The following RBFOX1 variants were observed in gnomAD, a reference collection of about 807,000 sequenced individuals.
RBFOX1 encodes RNA binding fox-1 homolog 1, also known as RNA binding protein fox-1 homolog 1.
A neutral mutation model predicts 57.7 loss-of-function variants in RBFOX1; 8 were observed. The ratio of observed to expected loss-of-function variants is 0.14; its 90% CI spans 0.08 to 0.25. The LOEUF is 0.25. Among genes scored for constraint, RBFOX1 ranks in the 10% least tolerant of loss-of-function variants. RBFOX1 has a pLI of 1.00. For missense variants in RBFOX1, 611 were observed against 548.5 expected (o/e 1.11, Z -1.14); for synonymous variants, 326 against 222.4 (o/e 1.47, Z -4.15).
intron 4 of RBFOX1, among the ~76,000 whole-genome samples, chr16:7,156,606 CATAT>C (rs1170823854): frequency 6.6e-6 from 1 of 151,860 alleles, no homozygotes; most frequent in South Asian, 2.1e-4. Flanking sequence ...TATATGTGTA[CATAT>C]ATATGTATAT....
intron 4 of RBFOX1, among the ~76,000 whole-genome samples, chr16:5,938,262 A>G (rs1053506885): frequency 2.0e-5 from 3 of 151,962 alleles, no homozygotes; most frequent in African/African-American, 7.3e-5. Context: ...GAAACAAATT[A>G]AACTACTAAC....
intron 4 of RBFOX1, among the ~76,000 whole-genome samples, chr16:7,163,795 T>TG (rs2078883565): frequency 1.3e-5 from 2 of 152,164 alleles, no homozygotes; most frequent in Non-Finnish European, 2.9e-5. Flanking sequence ...TAGCTGGGAC[T>TG]GTAGGCGCAT....
chr16:5,822,267 C>CT, intron 3 of RBFOX1, among the ~76,000 whole-genome samples: 1 of 152,224 alleles, frequency 6.6e-6, no homozygotes, highest in South Asian at 2.1e-4. Context: ...ATACAATAGA[C>CT]TTTGGGGACT....
At chr16:6,770,952 C>G (rs1012676625) in intron 3 of RBFOX1, among the ~76,000 whole-genome samples, 3 of 152,130 alleles carry the variant, frequency 2.0e-5, no homozygotes, top group Admixed American at 6.5e-5. Flanking sequence ...TGTGTCTCCA[C>G]TACCCCCGAT....
intron 1 of RBFOX1, among the ~76,000 whole-genome samples, chr16:6,114,126 A>G (rs369679322): frequency 6.6e-6 from 1 of 152,286 alleles, no homozygotes; most frequent in East Asian, 1.9e-4. Context: ...CATATTCACA[A>G]AGAAAAAAGT....
intron 3 of RBFOX1, among the ~76,000 whole-genome samples, chr16:6,656,077 A>G (rs1313419784): frequency 1.3e-5 from 2 of 152,078 alleles, no homozygotes; most frequent in African/African-American, 4.8e-5. Flanking sequence ...TGCATTCACC[A>G]TGTGTTTGCA....
At chr16:6,411,395 G>T (rs1013477463) in intron 2 of RBFOX1, among the ~76,000 whole-genome samples, 1 of 152,204 alleles carries the variant, frequency 6.6e-6, no homozygotes, top group Admixed American at 6.5e-5. Flanking sequence ...GCTGTTTTGT[G>T]TATTCCCGAT....
chr16:5,766,236 G>A (rs527789578), intron 3 of RBFOX1, among the ~76,000 whole-genome samples: 26 of 152,280 alleles, frequency 1.7e-4, no homozygotes, highest in African/African-American at 5.3e-4. Context: ...GAGAAGGGGC[G>A]TCTCACATGG....
intron 2 of RBFOX1, among the ~76,000 whole-genome samples, chr16:5,558,840 C>T (rs764551841): frequency 2.6e-5 from 4 of 152,100 alleles, no homozygotes; most frequent in Non-Finnish European, 5.9e-5. Flanking sequence ...AAAACTAGAG[C>T]AGGAGTTCTC....
chr16:5,632,163 G>T (rs1399554613), intron 3 of RBFOX1, among the ~76,000 whole-genome samples: 3 of 152,186 alleles, frequency 2.0e-5, no homozygotes, highest in Non-Finnish European at 4.4e-5. Flanking sequence ...ACTTCATATG[G>T]TACCTATCAC....
chr16:6,906,523 A>C (rs970730961), intron 3 of RBFOX1, among the ~76,000 whole-genome samples: 2 of 152,278 alleles, frequency 1.3e-5, no homozygotes, highest in East Asian at 3.9e-4. Context: ...ACCGCAATCT[A>C]ATCTCTAGAA....
intron 3 of RBFOX1, among the ~76,000 whole-genome samples, chr16:7,016,736 A>G (rs926312789): frequency 1.3e-5 from 2 of 152,154 alleles, no homozygotes; most frequent in African/African-American, 4.8e-5. Flanking sequence ...AGTGGAGTTG[A>G]TTAAACTGTC....
chr16:7,139,269 C>G lies in RBFOX1; in HGVS notation c.27+87171C>G, dbSNP rs991035448. Among the ~76,000 whole-genome samples the G allele has an allele frequency of 3.3e-5, 5 of 151,418 alleles. No individual in the cohort carries two copies. The East Asian group carries it at 5.8e-4, about 18-fold the overall frequency. ...CTTTCTTTTTCTATTTTCATTATAG[C>G]TACTCTGTCACTCCCCATGCAGAAC... is the stretch of plus-strand genomic sequence containing the variant. On this transcript the variant is annotated intron_variant, in intron 4 of 15. Transcript: ENST00000550418.
chr16:7,565,290 C>T (rs543265252), intron 5 of RBFOX1, among the ~76,000 whole-genome samples: 2 of 152,202 alleles, frequency 1.3e-5, no homozygotes, highest in South Asian at 2.1e-4. Flanking sequence ...CGCCACCATC[C>T]TTGGATTCTT....
chr16:6,982,489 C>A (rs545670755), intron 3 of RBFOX1, among the ~76,000 whole-genome samples: 1 of 152,124 alleles, frequency 6.6e-6, no homozygotes, highest in East Asian at 1.9e-4. Context: ...GAGTCGTTGA[C>A]GAGGTGGATC....
At chr16:6,203,775 A>G (rs892610041) in intron 1 of RBFOX1, among the ~76,000 whole-genome samples, 7 of 152,198 alleles carry the variant, frequency 4.6e-5, no homozygotes. Flanking sequence ...GTGCAGCCAC[A>G]ATGGAAAGCA....
At chr16:5,474,355 A>G (rs775400045) in intron 2 of RBFOX1, among the ~76,000 whole-genome samples, 4 of 152,178 alleles carry the variant, frequency 2.6e-5, no homozygotes, top group Non-Finnish European at 5.9e-5. Context: ...ATGTGTGTTT[A>G]AAAAATACCC....
chr16:6,202,215 G>A (rs2097219928), intron 1 of RBFOX1, among the ~76,000 whole-genome samples: 1 of 152,132 alleles, frequency 6.6e-6, no homozygotes, highest in Non-Finnish European at 1.5e-5. Context: ...TTTATTTAGA[G>A]CCTAATTTTC....
intron 1 of RBFOX1, among the ~76,000 whole-genome samples, chr16:5,414,531 G>T (rs543064075): frequency 1.3e-5 from 2 of 152,246 alleles, no homozygotes; most frequent in African/African-American, 4.8e-5. Flanking sequence ...CAATTTGGGG[G>T]GCTGCTGTAG....
Sources: allele counts gnomAD v4.1 joint callset (sites outside exome capture counted in the v4.1 genomes callset), GRCh38; gene constraint gnomAD v4.1.1; transcripts MANE v1.5; gene names NCBI Gene and HGNC (gene_info 2026-07-23, HGNC 2026-07-21).